The following SYNE2 variants were observed in gnomAD, a reference collection of about 807,000 sequenced individuals.
SYNE2 encodes spectrin repeat containing nuclear envelope protein 2, also known as nesprin-2.
Under a neutral mutation model 856.3 loss-of-function variants are expected in SYNE2, and 431 were observed. The observed-to-expected ratio is 0.50, with a 90% CI of 0.47 to 0.55. The LOEUF (loss-of-function observed/expected upper bound fraction) is 0.55. SYNE2 is among the 20% of genes least tolerant of loss of function. SYNE2 has a pLI of 0.00. For missense variants in SYNE2, 8,129 were observed against 8,023.2 expected, an observed-to-expected ratio of 1.01 and a Z score of -0.50; for synonymous variants, 2,923 against 2,872.3, an observed-to-expected ratio of 1.02 and a Z score of -0.56.
Position 64,093,348 on chromosome 14 carries a change from GGTA to G in SYNE2, c.11979_11981del (p.Val3994del). On this transcript the variant is annotated inframe_deletion and splice_region_variant, in exon 61 of 116. Coordinates refer to ENST00000555002, the MANE Select transcript of SYNE2 (RefSeq NM_182914.3). ...TCTTTTTTGTGGGGGTTATTTTATA[GGTA>G]GTCATAAAACAGACCAATGAATGGG... 1 of 1,613,652 alleles carries G rather than the reference GGTA, an allele frequency of 6.2e-7. No homozygotes were observed. Among genetic ancestry groups the G allele is most frequent in the Non-Finnish European group, 8.5e-7 (1 of 1,179,680 alleles).
In SYNE2 at chr14:63,828,696, A is replaced by ACTCCAGC. The variant is rs373929541; in HGVS notation, c.-304-23801_-304-23795dup. Among the ~76,000 whole-genome samples, 667 of 152,136 alleles carry ACTCCAGC rather than the reference A, an allele frequency of 4.4e-3. 4 individuals are homozygous for ACTCCAGC. The highest frequency in any genetic ancestry group is 0.015 in the African/African-American group (642 of 41,488). Reference sequence around the variant, plus strand: ...CAGTGAGCCAAGATCATGACACTGCACTCCAGCCTCGGCAACAGAGTGAGA... The same window carrying ACTCCAGC: ...CAGTGAGCCAAGATCATGACACTGCACTCCAGCCTCCAGCCTCGGCAACAGAGTGAGA... On this transcript the variant is annotated intron_variant, in intron 1 of 23. Transcript: ENST00000674003.
intron 2 of SYNE2, among the ~76,000 whole-genome samples, chr14:63,919,972 G>GTTTTTTTTTTTTTTTTTTTTTTTTTTTT (rs10673123): frequency 1.8e-5 from 2 of 110,616 alleles, no homozygotes; most frequent in African/African-American, 3.8e-5. Flanking sequence ...TAAAAGGTAA[G>GTTTTTTTTTTTTTTTTTTTTTTTTTTTT]TTTTTTTTTT....
At position 64,090,846 on chromosome 14, in the gene SYNE2, G is replaced by A. The variant is rs773819964; in HGVS notation, c.11794-20G>A. On this transcript the variant is annotated intron_variant, in intron 59 of 115. Transcript: ENST00000555002. ...CATTGTCTTTTCATTTCTGTAACAT[G>A]CTCCTCTTATATAATTAAGGTCATA... The A allele has an allele frequency of 6.2e-7, 1 of 1,606,166 alleles. No homozygotes were observed. The highest frequency in any genetic ancestry group is 2.2e-5 in the East Asian group (1 of 44,820).
chr14:64,157,562 T>C (rs558885446), intron 85 of SYNE2, among the ~76,000 whole-genome samples: 75 of 150,824 alleles, frequency 5.0e-4, no homozygotes, highest in African/African-American at 1.8e-3. Flanking sequence ...TGTCAGGTTT[T>C]TATGTGAACA....
chr14:64,138,910 G>A (rs1384530198), intron 79 of SYNE2, among the ~76,000 whole-genome samples: 3 of 133,138 alleles, frequency 2.3e-5, no homozygotes, highest in Non-Finnish European at 4.5e-5. Flanking sequence ...TACAAATGCT[G>A]GTTGTGTGTG....
At chr14:64,049,945 C>T (rs1015866521) in intron 47 of SYNE2, 69 bp downstream of exon 47, 390 of 1,571,916 alleles carry the variant, frequency 2.5e-4, no homozygotes, top group Non-Finnish European at 3.3e-4. Context: ...TTGGACAGGC[C>T]CAGGGTTTTA....
At chr14:64,008,989 G>C (rs1354471690) in intron 31 of SYNE2, among the ~76,000 whole-genome samples, 1 of 151,912 alleles carries the variant, frequency 6.6e-6, no homozygotes, top group African/African-American at 2.4e-5. Flanking sequence ...ATTCCATTTG[G>C]GTACACCTCC....
intron 100 of SYNE2, among the ~76,000 whole-genome samples, chr14:64,207,004 T>C (rs1399222967): frequency 6.6e-6 from 1 of 152,188 alleles, no homozygotes; most frequent in African/African-American, 2.4e-5. Flanking sequence ...AGTCCTCAAA[T>C]TGACTCCAGG....
At chr14:63,793,109 G>T (rs1408739968) in intron 1 of SYNE2, among the ~76,000 whole-genome samples, 2 of 152,130 alleles carry the variant, frequency 1.3e-5, no homozygotes, top group Admixed American at 6.6e-5. Flanking sequence ...CTAATAGAAT[G>T]TCCCCAAAGC....
At position 63,936,126 on chromosome 14, in the gene SYNE2, G is replaced by A. The variant is rs188514016; in HGVS notation, c.80-4488G>A. On this transcript the variant is annotated intron_variant, in intron 2 of 115. Transcript: ENST00000555002. ...CTGACCTTGTGATCCGCCCACCTTG[G>A]CCTCCCAAAGTGCTGGGATTACAGG... is the stretch of plus-strand genomic sequence containing the variant. 4.3e-3 allele frequency among the ~76,000 whole-genome samples: 656 copies of A among 152,216 alleles called. 2 individuals are homozygous for A. The highest frequency in any genetic ancestry group is 0.015 in the African/African-American group (606 of 41,542).
At chr14:64,224,648 G>A in intron 114 of SYNE2, 101 bp downstream of exon 114, 2 of 1,291,502 alleles carry the variant, frequency 1.5e-6, no homozygotes, top group Non-Finnish European at 2.2e-6. Context: ...GCCATTTCAG[G>A]ACAGCACAGG....
In SYNE2 at chr14:64,024,411, G is replaced by A. The variant is rs2153537144; in HGVS notation, c.5792G>A (p.Cys1931Tyr). The change falls in exon 39 of 116, where the codon TGC (cysteine) becomes TAC (tyrosine). Residue 1931 changes from cysteine to tyrosine, a missense_variant. Physicochemically the swap from Cys to Tyr is radical, Grantham distance 194. This residue lies in a region of SYNE2 where 2,422 missense variants were observed against 2,357.4 expected (regional missense o/e 1.03). Transcript: ENST00000555002. ...EFELEKMESICQARAKELEDS... is the reference protein window; with the variant it reads ...EFELEKMESIYQARAKELEDS... Reference sequence around the variant, plus strand: ...GAATTAGAAAAAATGGAGTCCATATGCCAGGCTCGAGCAAAGGAGCTTGAA... The same window carrying A: ...GAATTAGAAAAAATGGAGTCCATATACCAGGCTCGAGCAAAGGAGCTTGAA... 2 of 1,614,122 alleles carry A rather than the reference G, an allele frequency of 1.2e-6. No individual in the cohort carries two copies. Among genetic ancestry groups the A allele is most frequent in the Non-Finnish European group, 1.7e-6 (2 of 1,180,000 alleles).
chr14:63,929,114 T>A (rs1254510525), intron 2 of SYNE2, among the ~76,000 whole-genome samples: 2 of 152,178 alleles, frequency 1.3e-5, no homozygotes, highest in Admixed American at 6.5e-5. Context: ...TTTGTTCTAA[T>A]GAGGCCACTC....
intron 2 of SYNE2, among the ~76,000 whole-genome samples, chr14:63,917,668 C>G (rs1282295312): frequency 6.6e-6 from 1 of 151,900 alleles, no homozygotes; most frequent in African/African-American, 2.4e-5. Context: ...CGGGGTTTCT[C>G]CATGTTGGTC....
At chr14:64,149,485 G>C (rs1346367281) in intron 84 of SYNE2, among the ~76,000 whole-genome samples, 1 of 152,106 alleles carries the variant, frequency 6.6e-6, no homozygotes, top group African/African-American at 2.4e-5. Context: ...ATTCCGAAGG[G>C]CTTCTAAAAG....
chr14:64,146,089 C>A lies in SYNE2; in HGVS notation c.15505C>A (p.Leu5169Ile). The A allele has an allele frequency of 6.3e-7, 1 of 1,587,830 alleles. No homozygotes were observed. Reference protein sequence around the residue: ...NRKIQHLEQLLESITESENKI... With the variant: ...NRKIQHLEQLIESITESENKI... Reference sequence around the variant, plus strand: ...TTAGATACAACATTTAGAACAACTTCTAGAAAGTATCACTGAGAGTGAAAA... The same window carrying A: ...TTAGATACAACATTTAGAACAACTTATAGAAAGTATCACTGAGAGTGAAAA... Residue 5169 changes from leucine (L) to isoleucine (I), a missense_variant, in exon 84 of 116, where the codon CTA becomes ATA. This residue lies in a region of SYNE2 where 5,410 missense variants were observed against 5,284.8 expected (regional missense o/e 1.02). Transcript: ENST00000555002.
chr14:63,954,666 G>C (rs1370892943), intron 7 of SYNE2, 53 bp from the exon 8 acceptor site: 15 of 1,475,564 alleles, frequency 1.0e-5, no homozygotes, highest in African/African-American at 1.4e-5. Context: ...AGTGGAGGGG[G>C]GTGTTACGTT....
chr14:64,008,845 C>T (rs992055909), intron 31 of SYNE2, among the ~76,000 whole-genome samples: 2 of 152,178 alleles, frequency 1.3e-5, no homozygotes, highest in African/African-American at 2.4e-5. Flanking sequence ...TCCTGTGTGG[C>T]TTGGGGCATC....
At chr14:63,944,255 C>G (rs935479502) in intron 6 of SYNE2, among the ~76,000 whole-genome samples, 6 of 147,802 alleles carry the variant, frequency 4.1e-5, no homozygotes, top group African/African-American at 1.2e-4. Flanking sequence ...TCAGCATGCT[C>G]TGATGAACAG....
Sources: allele counts gnomAD v4.1 joint callset (sites outside exome capture counted in the v4.1 genomes callset), GRCh38; gene constraint gnomAD v4.1.1; regional missense constraint gnomAD v4.1.1; transcripts MANE v1.5; gene names NCBI Gene and HGNC (gene_info 2026-07-23, HGNC 2026-07-21).